ARFGAP1: variants seen among roughly 807,000 people sequenced by gnomAD.
ARFGAP1 encodes the protein ARF GTPase activating protein 1, also known as ADP-ribosylation factor GTPase-activating protein 1.
In ARFGAP1, 26 loss-of-function variants were observed where a neutral mutation model predicts 54.0. That is an observed-to-expected ratio of 0.48 (90% CI 0.35 to 0.67). ARFGAP1 has a LOEUF of 0.67. ARFGAP1 is among the 30% of genes least tolerant of loss of function. The pLI is 0.00. For missense variants in ARFGAP1, 525 were observed against 535.8 expected, an observed-to-expected ratio of 0.98 and a Z score of 0.20; for synonymous variants, 248 against 211.9, an observed-to-expected ratio of 1.17 and a Z score of -1.48.
chr20:63,278,913 G>T lies in ARFGAP1; in HGVS notation c.545G>T (p.Arg182Leu). ...LGSYQGAQGN[R>L]YVGFGNTPPP... ...TTTGTTTTCAGGGCCCAGGGGAATCGCTACGTGGGGTTTGGGAACACGCCA... is the reference window on the plus strand; with the variant it reads ...TTTGTTTTCAGGGCCCAGGGGAATCTCTACGTGGGGTTTGGGAACACGCCA... Residue 182 changes from arginine to leucine, a missense_variant, in exon 7 of 13, where the codon CGC (arginine) becomes CTC (leucine). Arg to Leu is a moderately radical substitution (Grantham distance 102). This residue lies in a region of ARFGAP1 where 466 missense variants were observed against 453.6 expected (regional missense o/e 1.03). Transcript: ENST00000370283. The T allele has an allele frequency of 6.2e-7, 1 of 1,614,130 alleles. No homozygotes were observed.
At chr20:63,286,325 G>A (rs775012897) in intron 11 of ARFGAP1, 41 bp from the exon 12 acceptor site, 50 of 1,607,166 alleles carry the variant, frequency 3.1e-5, no homozygotes, top group East Asian at 2.9e-4. Flanking sequence ...TGCCTGTGCC[G>A]CGACAGGGCC....
intron 9 of ARFGAP1, chr20:63,284,660 G>A (rs1247221705): frequency 1.6e-5 from 23 of 1,412,638 alleles, no homozygotes; most frequent in Non-Finnish European, 1.9e-5. Flanking sequence ...GGTGGGGGCC[G>A]CGGTCTCCGC....
At chr20:63,281,911 G>T (rs1307246584) in intron 8 of ARFGAP1, among the ~76,000 whole-genome samples, 1 of 152,158 alleles carries the variant, frequency 6.6e-6, no homozygotes, top group Non-Finnish European at 1.5e-5. Flanking sequence ...GGGCAGCGCG[G>T]GGCAGCTGGG....
intron 9 of ARFGAP1, chr20:63,284,042 CA>C: frequency 1.4e-6 from 2 of 1,446,500 alleles, no homozygotes; most frequent in South Asian, 2.8e-5. Context: ...CTTTAAGATC[CA>C]GGATCTGCAT....
At chr20:63,278,860 A>G in intron 6 of ARFGAP1, 39 bp from the exon 7 acceptor site, 4 of 1,606,676 alleles carry the variant, frequency 2.5e-6, no homozygotes, top group Middle Eastern at 1.7e-4. Context: ...AGCAGGGTTC[A>G]TGCCAGCATC....
Position 63,277,202 on chromosome 20 carries a change from C to T in ARFGAP1, c.343-3C>T. ...TCTCGAATGCCCTGTGTCTCCTTGT[C>T]AGGTGGTCGCTCTGGCCGAAGGCAG... On this transcript the variant is annotated splice_polypyrimidine_tract_variant and splice_region_variant and intron_variant, in intron 4 of 12. Coordinates refer to ENST00000370283, the MANE Select transcript of ARFGAP1 (RefSeq NM_018209.4). The T allele has an allele frequency of 1.2e-6, 2 of 1,611,424 alleles. No individual in the cohort carries two copies. The highest frequency in any genetic ancestry group is 1.7e-6 in the Non-Finnish European group (2 of 1,179,546).
At chr20:63,281,856 G>A (rs1393885337) in intron 8 of ARFGAP1, among the ~76,000 whole-genome samples, 2 of 152,196 alleles carry the variant, frequency 1.3e-5, no homozygotes, top group Non-Finnish European at 2.9e-5. Context: ...ATGGGCCCCC[G>A]GGGGCTGGGC....
At chr20:63,286,557 G>C (rs1438234327) in intron 12 of ARFGAP1, 115 bp downstream of exon 12, 2 of 1,048,758 alleles carry the variant, frequency 1.9e-6, no homozygotes, top group Admixed American at 4.5e-5. Context: ...GGGCACTGTG[G>C]AGGCTCTCCG....
At chr20:63,285,273 G>A (rs2067500647) in intron 10 of ARFGAP1, among the ~76,000 whole-genome samples, 1 of 152,180 alleles carries the variant, frequency 6.6e-6, no homozygotes, top group South Asian at 2.1e-4. Flanking sequence ...GCTGTGCCCA[G>A]AGGAGGCTCT....
intron 1 of ARFGAP1, chr20:63,274,006 G>GT (rs2067168914): frequency 6.6e-6 from 1 of 152,268 alleles, no homozygotes; most frequent in South Asian, 2.1e-4. Flanking sequence ...TCAGTCGGCT[G>GT]TATAGGTGGA....
rs1448407934 is a variant in ARFGAP1 at position 63,273,835 on chromosome 20, C to T, written c.-5+915C>T. ...TTGGTCTCGTCCTGCTTTGGCGGCT[C>T]ACCTCCTCTCCGTGGGCCGTGGCTT... is the stretch of plus-strand genomic sequence containing the variant. On this transcript the variant is annotated intron_variant, in intron 1 of 12. Coordinates refer to ENST00000370283, the MANE Select transcript of ARFGAP1 (RefSeq NM_018209.4). 3.9e-5 allele frequency among the ~76,000 whole-genome samples: 6 copies of T among 152,316 alleles called. No homozygotes were observed. In the East Asian group the frequency reaches 7.7e-4, roughly 20 times the overall value.
intron 9 of ARFGAP1, chr20:63,284,092 C>G: frequency 7.4e-7 from 1 of 1,343,182 alleles, no homozygotes; most frequent in East Asian, 2.9e-5. Context: ...CTGCGCAGTA[C>G]CACTGCGCTC....
rs1601344351 is a variant in ARFGAP1 at position 63,279,209 on chromosome 20, T to C, written c.627+214T>C. ...GTATTCAATCACTTCCTTTTTTTTT[T>C]TTTTTTTAAGACGGAGTCTTGCTTT... On this transcript the variant is annotated intron_variant, in intron 7 of 12. Transcript: ENST00000370283. 3 of 667,696 alleles carry C rather than the reference T, an allele frequency of 4.5e-6. No individual in the cohort carries two copies. In the East Asian group the frequency reaches 8.6e-5, roughly 19 times the overall value. The allele number at this position is 667,696 out of a possible 1,614,324, so 41.4% of individuals were successfully genotyped here.
At chr20:63,284,506 G>A (rs546243964) in intron 9 of ARFGAP1, 100 of 1,132,356 alleles carry the variant, frequency 8.8e-5, no homozygotes, top group Middle Eastern at 2.4e-4. Flanking sequence ...AAGGAGAGGC[G>A]TTGCAGGTCA....
At chr20:63,279,052 G>T in intron 7 of ARFGAP1, 57 bp downstream of exon 7, 2 of 1,555,306 alleles carry the variant, frequency 1.3e-6, no homozygotes, top group South Asian at 1.1e-5. Flanking sequence ...CTGAGGGCAC[G>T]ACGGGCCATA....
chr20:63,278,031 A>T, intron 5 of ARFGAP1, 86 bp from the exon 6 acceptor site: 1 of 1,279,248 alleles, frequency 7.8e-7, no homozygotes, highest in Non-Finnish European at 1.1e-6. Context: ...CTGCCCACGT[A>T]GGCCACATGG....
rs1368890116 is a variant in ARFGAP1 at position 63,276,503 on chromosome 20, A to G, written c.194A>G (p.Asp65Gly). 1 of 1,613,268 alleles carries G rather than the reference A, an allele frequency of 6.2e-7. No homozygotes were observed. The highest frequency in any genetic ancestry group is 8.5e-7 in the Non-Finnish European group (1 of 1,179,684). Residue 65 changes from aspartate to glycine, a missense_variant, in exon 4 of 13, where the codon GAC becomes GGC. By Grantham distance (94) the Asp-to-Gly change is moderately conservative (BLOSUM62 -1). Around this residue, in one of 3 missense-constraint regions of ARFGAP1, gnomAD observed 466 missense variants for 453.6 expected, o/e 1.03. Coordinates refer to ENST00000370283, the MANE Select transcript of ARFGAP1 (RefSeq NM_018209.4). This position sits in a 1 kb window ranked among gnomAD's most constrained non-coding sequence, Gnocchi z 5.2. ...AGCTTTGTGCGCTCTGTTACTATGG[A>G]CAAGTGGAAGGACATTGAGCTTGAG... The part of the protein sequence containing the change: ...HLSFVRSVTM[D>G]KWKDIELEKM...
intron 12 of ARFGAP1, among the ~76,000 whole-genome samples, chr20:63,287,232 G>A (rs1037780966): frequency 3.3e-5 from 5 of 152,260 alleles, no homozygotes; most frequent in African/African-American, 1.2e-4. Flanking sequence ...CCTGTGTCCC[G>A]GCTTGAGGCC....
At chr20:63,285,228 C>G in intron 10 of ARFGAP1, among the ~76,000 whole-genome samples, 1 of 152,066 alleles carries the variant, frequency 6.6e-6, no homozygotes, top group East Asian at 1.9e-4. Context: ...AGCCCACCTC[C>G]GTTCCTCTGC....
Sources: allele counts gnomAD v4.1 joint callset (sites outside exome capture counted in the v4.1 genomes callset), GRCh38; gene constraint gnomAD v4.1.1; regional missense constraint gnomAD v4.1.1; non-coding constraint Gnocchi (gnomAD v3.1); transcripts MANE v1.5; gene names NCBI Gene and HGNC (gene_info 2026-07-23, HGNC 2026-07-21).